The following UBE2U variants were observed in gnomAD, a reference collection of about 807,000 sequenced individuals.
UBE2U encodes the protein ubiquitin conjugating enzyme E2 U, also known as ubiquitin-conjugating enzyme E2 U.
Under a neutral mutation model 41.2 loss-of-function variants are expected in UBE2U, and 39 were observed. That is an observed-to-expected ratio of 0.95 (90% CI 0.73 to 1.24). The LOEUF is 1.24. Ranked by LOEUF, UBE2U falls within the 50% of genes most tolerant of loss-of-function variation. UBE2U has a pLI of 0.00. For synonymous variants in UBE2U, 107 were observed against 117.8 expected, an observed-to-expected ratio of 0.91 and a Z score of 0.60; for missense variants, 336 against 363.1, an observed-to-expected ratio of 0.93 and a Z score of 0.61.
intron 8 of UBE2U, among the ~76,000 whole-genome samples, chr1:64,249,562 C>G (rs555412003): frequency 6.6e-6 from 1 of 151,418 alleles, no homozygotes; most frequent in Non-Finnish European, 1.5e-5. Context: ...TAAAGAAAAA[C>G]ATGAATATGA....
rs879561079 is a variant in UBE2U, at chr1:64,203,726, C to T, written c.-325C>T. The T allele has an allele frequency of 1.3e-5, 3 of 237,228 alleles. No individual in the cohort carries two copies. The highest frequency in any genetic ancestry group is 2.4e-5 in the Non-Finnish European group (3 of 123,374). 14.7% of individuals were successfully genotyped at this position (237,228 alleles called of 1,614,324 possible). On this transcript the variant is annotated 5_prime_UTR_variant, in exon 1 of 10. Coordinates refer to ENST00000371077, the MANE Select transcript of UBE2U (RefSeq NM_001366232.2). Reference sequence around the variant, plus strand: ...CGTACACCTCTCACTCCCACTCACGCGCCGACGACATGGGCTTGTCTCCGT... The same window carrying T: ...CGTACACCTCTCACTCCCACTCACGTGCCGACGACATGGGCTTGTCTCCGT...
intron 8 of UBE2U, among the ~76,000 whole-genome samples, chr1:64,247,560 C>T (rs1225709623): frequency 6.6e-6 from 1 of 151,924 alleles, no homozygotes; most frequent in Non-Finnish European, 1.5e-5. Flanking sequence ...CCCGGGAGTG[C>T]TAGTTGTTAA....
rs1289275346 is a variant in UBE2U at position 64,258,564 on chromosome 1, A to C, written c.678-2039A>C. Among the ~76,000 whole-genome samples the C allele has an allele frequency of 8.6e-5, 13 of 151,702 alleles. No homozygotes were observed. The East Asian group carries it at 2.5e-3, about 30-fold the overall frequency. ...TCAGTTCCCAGCTATGAGTGAGAACATGCAGTGTTTGGTTTTCTGTCCTTG... is the reference window on the plus strand; with the variant it reads ...TCAGTTCCCAGCTATGAGTGAGAACCTGCAGTGTTTGGTTTTCTGTCCTTG... On this transcript the variant is annotated intron_variant, in intron 8 of 9. Transcript: ENST00000371077.
chr1:64,224,045 A>G (rs762708594), intron 6 of UBE2U, among the ~76,000 whole-genome samples: 99 of 152,296 alleles, frequency 6.5e-4, no homozygotes, highest in Admixed American at 2.9e-3. Context: ...TTGCTCGGTA[A>G]TCATGAGAGG....
intron 9 of UBE2U, among the ~76,000 whole-genome samples, chr1:64,263,474 C>T (rs1163386193): frequency 6.6e-6 from 1 of 152,180 alleles, no homozygotes; most frequent in Non-Finnish European, 1.5e-5. Flanking sequence ...TGCCCACCCA[C>T]GTTTCCCAGC....
intron 7 of UBE2U, among the ~76,000 whole-genome samples, chr1:64,237,551 C>T (rs888384248): frequency 6.6e-6 from 1 of 152,152 alleles, no homozygotes. Flanking sequence ...CATTGTTTCT[C>T]TCCGATCAGT....
intron 6 of UBE2U, among the ~76,000 whole-genome samples, chr1:64,226,101 T>C (rs1381360663): frequency 6.6e-6 from 1 of 152,140 alleles, no homozygotes; most frequent in East Asian, 1.9e-4. Flanking sequence ...TATCGCAAAC[T>C]AGAAACAACC....
intron 8 of UBE2U, among the ~76,000 whole-genome samples, chr1:64,254,025 CAT>C (rs1645052988): frequency 1.3e-5 from 2 of 152,220 alleles, no homozygotes; most frequent in African/African-American, 4.8e-5. Context: ...ACCCATCTCA[CAT>C]GTACGGATAC....
chr1:64,210,692 AAAT>A, intron 3 of UBE2U, 47 bp from the exon 4 acceptor site: 1 of 1,206,054 alleles, frequency 8.3e-7, no homozygotes, highest in Non-Finnish European at 1.1e-6. Context: ...TGTAAGTTTT[AAAT>A]AATAATTTAT....
At chr1:64,260,803 A>G in intron 9 of UBE2U, 109 bp downstream of exon 9, 1 of 780,252 alleles carries the variant, frequency 1.3e-6, no homozygotes, top group East Asian at 2.8e-5. Context: ...TATGAGGGCT[A>G]ATCCTTGTGT....
chr1:64,233,011 CTT>C (rs749876501), intron 7 of UBE2U, among the ~76,000 whole-genome samples: 1 of 139,776 alleles, frequency 7.2e-6, no homozygotes, highest in African/African-American at 2.6e-5. Context: ...TTTATTTTTA[CTT>C]TTTTTTTTTT....
In UBE2U at chr1:64,244,970, G is replaced by A. The variant is rs745897137; in HGVS notation, c.677+3237G>A. ...TAAAATTGAGTTGCAAACTTTTAAG[G>A]TTCATTCTAATGTAAAGATTTAGGA... On this transcript the variant is annotated intron_variant, in intron 8 of 9. Coordinates refer to ENST00000371077, the MANE Select transcript of UBE2U (RefSeq NM_001366232.2). Among the ~76,000 whole-genome samples the A allele has an allele frequency of 2.0e-5, 3 of 152,112 alleles. No homozygotes were observed. In the East Asian group the frequency reaches 5.8e-4, roughly 29 times the overall value.
chr1:64,259,277 G>T (rs1167493345), intron 8 of UBE2U, among the ~76,000 whole-genome samples: 1 of 152,038 alleles, frequency 6.6e-6, no homozygotes, highest in African/African-American at 2.4e-5. Context: ...TAGGTTGCCT[G>T]TTCACTCTGA....
chr1:64,213,396 A>G lies in UBE2U; in HGVS notation c.340-1419A>G, dbSNP rs150056353. On this transcript the variant is annotated intron_variant, in intron 4 of 9. Coordinates refer to ENST00000371077, the MANE Select transcript of UBE2U (RefSeq NM_001366232.2). Reference sequence around the variant, plus strand: ...TTCATGTTGTTGTAAGAGTTGGAACAAATGAATCGTCCTCTAGGATACCTT... The same window carrying G: ...TTCATGTTGTTGTAAGAGTTGGAACGAATGAATCGTCCTCTAGGATACCTT... 5.4e-3 allele frequency among the ~76,000 whole-genome samples: 821 copies of G among 152,310 alleles called. 6 individuals are homozygous for G. Among genetic ancestry groups the G allele is most frequent in the African/African-American group, 0.018 (763 of 41,570 alleles).
At chr1:64,206,950 T>A in intron 3 of UBE2U, 94 bp downstream of exon 3, 2 of 807,452 alleles carry the variant, frequency 2.5e-6, no homozygotes, top group Admixed American at 6.1e-5. Flanking sequence ...AACTTTATTA[T>A]GATTCTAAAA....
chr1:64,239,169 G>GAAGAAGAAGAAGAAA (rs1644777934), intron 7 of UBE2U, among the ~76,000 whole-genome samples: 1 of 91,054 alleles, frequency 1.1e-5, no homozygotes, highest in Admixed American at 1.1e-4. Flanking sequence ...AGAAGAAGAA[G>GAAGAAGAAGAAGAAA]AAGAAGAAGA....
At chr1:64,211,022 T>C (rs1651632437) in intron 4 of UBE2U, among the ~76,000 whole-genome samples, 183 bp downstream of exon 4, 1 of 152,214 alleles carries the variant, frequency 6.6e-6, no homozygotes, top group Non-Finnish European at 1.5e-5. Context: ...AAAACTATTA[T>C]TTAAAGTGAA....
intron 9 of UBE2U, among the ~76,000 whole-genome samples, chr1:64,265,959 A>C (rs996052977): frequency 2.0e-5 from 3 of 152,210 alleles, no homozygotes; most frequent in African/African-American, 4.8e-5. Flanking sequence ...AGAAGACAGC[A>C]AATATTACAG....
At chr1:64,243,434 T>C (rs1034650014) in intron 8 of UBE2U, among the ~76,000 whole-genome samples, 2 of 152,182 alleles carry the variant, frequency 1.3e-5, no homozygotes, top group Non-Finnish European at 1.5e-5. Context: ...ACATGGGGTA[T>C]GATAAAGAGG....
Sources: gnomAD v4.1 joint callset for allele counts (sites outside exome capture counted in the v4.1 genomes callset) on GRCh38, gnomAD v4.1.1 for gene constraint, MANE v1.5 for transcripts, NCBI Gene and HGNC (gene_info 2026-07-23, HGNC 2026-07-21) for gene names.